Variants in SGCZ observed in about 807,000 individuals in gnomAD.
SGCZ encodes the protein sarcoglycan zeta, also known as zeta-sarcoglycan.
Under a neutral mutation model 41.3 loss-of-function variants are expected in SGCZ, and 40 were observed. That is an observed-to-expected ratio of 0.97 (90% CI 0.75 to 1.26). The LOEUF (loss-of-function observed/expected upper bound fraction) is 1.26, where lower values mean the gene tolerates loss of function less well. SGCZ is among the 50% of genes most tolerant of loss of function. The pLI is 0.00. For synonymous variants in SGCZ, 206 were observed against 137.5 expected (o/e 1.50, Z -3.49); for missense variants, 552 against 369.8 (o/e 1.49, Z -4.04).
At chr8:15,203,359 C>T (rs1331335574) in intron 1 of SGCZ, among the ~76,000 whole-genome samples, 1 of 152,124 alleles carries the variant, frequency 6.6e-6, no homozygotes, top group African/African-American at 2.4e-5. Context: ...TATTTGGCTT[C>T]TCAATTATAC....
At chr8:15,038,827 A>G (rs1585500356) in intron 1 of SGCZ, among the ~76,000 whole-genome samples, 2 of 134,162 alleles carry the variant, frequency 1.5e-5, no homozygotes, top group African/African-American at 6.1e-5. Flanking sequence ...AAAAAAAAAA[A>G]AAAAAAAAAA....
chr8:14,366,314 C>T (rs191253811), intron 2 of SGCZ, among the ~76,000 whole-genome samples: 9 of 152,104 alleles, frequency 5.9e-5, no homozygotes, highest in Non-Finnish European at 5.9e-5. Flanking sequence ...GCCCATCATA[C>T]ATGGTGGCAA....
At chr8:14,718,112 G>A (rs140700177) in intron 1 of SGCZ, among the ~76,000 whole-genome samples, 22 of 151,048 alleles carry the variant, frequency 1.5e-4, no homozygotes, top group African/African-American at 5.1e-4. Context: ...GACTCTCTAA[G>A]CTAAATGTTA....
Position 14,893,150 on chromosome 8 carries a change from G to A in SGCZ, c.40-338224C>T, listed in dbSNP as rs577530165. ...GGCCCCATCCAATCACATGGGTCCT[G>A]AGAAGTGAAGAATCTTTCCAGTTGG... On this transcript the variant is annotated intron_variant, in intron 1 of 7. Transcript: ENST00000382080. 9.2e-5 allele frequency among the ~76,000 whole-genome samples: 14 copies of A among 152,234 alleles called. No individual in the cohort carries two copies. The East Asian group carries it at 2.3e-3, about 25-fold the overall frequency.
chr8:14,581,409 C>A (rs543902427), intron 1 of SGCZ, among the ~76,000 whole-genome samples: 1 of 152,022 alleles, frequency 6.6e-6, no homozygotes, highest in Non-Finnish European at 1.5e-5. Context: ...CCACTGCGCC[C>A]GGCCTTTGCT....
intron 4 of SGCZ, among the ~76,000 whole-genome samples, chr8:14,203,710 T>G (rs1805529557): frequency 6.6e-6 from 1 of 152,282 alleles, no homozygotes; most frequent in Middle Eastern, 3.4e-3. Context: ...GTCAAGGACC[T>G]TATTAACTAA....
chr8:14,233,727 CAT>C (rs1405662093), intron 4 of SGCZ, among the ~76,000 whole-genome samples: 1 of 151,126 alleles, frequency 6.6e-6, no homozygotes, highest in African/African-American at 2.4e-5. Flanking sequence ...ATGTTATCAA[CAT>C]ATATGAATAT....
intron 2 of SGCZ, among the ~76,000 whole-genome samples, chr8:14,362,916 A>C (rs962306292): frequency 1.3e-5 from 2 of 152,248 alleles, no homozygotes; most frequent in African/African-American, 4.8e-5. Flanking sequence ...ATCCAATAAA[A>C]TATTTGGAGA....
intron 1 of SGCZ, among the ~76,000 whole-genome samples, chr8:14,639,062 T>C (rs1563171091): frequency 6.6e-6 from 1 of 151,166 alleles, no homozygotes; most frequent in African/African-American, 2.4e-5. Flanking sequence ...TTTGTCTTTT[T>C]TTGAGAGGGA....
intron 1 of SGCZ, among the ~76,000 whole-genome samples, chr8:14,618,320 T>C (rs2117361210): frequency 6.6e-6 from 1 of 152,242 alleles, no homozygotes; most frequent in African/African-American, 2.4e-5. Flanking sequence ...CCCATTGCAT[T>C]TTAAAACAGT....
chr8:14,838,152 C>A (rs2130619062), intron 1 of SGCZ, among the ~76,000 whole-genome samples: 1 of 152,122 alleles, frequency 6.6e-6, no homozygotes, highest in Admixed American at 6.5e-5. Context: ...TGATGGTTAC[C>A]AGAAGCTAGG....
chr8:14,736,532 T>C (rs2243766), intron 1 of SGCZ, among the ~76,000 whole-genome samples: 59,447 of 151,472 alleles, frequency 0.39, 13,463 homozygotes, highest in Non-Finnish European at 0.52. Flanking sequence ...GTTACATGAG[T>C]AAGTTCTTCA....
chr8:14,372,377 T>G (rs866054883), intron 2 of SGCZ, among the ~76,000 whole-genome samples: 39 of 152,254 alleles, frequency 2.6e-4, no homozygotes, highest in African/African-American at 8.7e-4. Context: ...GTTGAACAAA[T>G]TCTGAGTATT....
chr8:14,785,430 T>A (rs1431619497), intron 1 of SGCZ, among the ~76,000 whole-genome samples: 7 of 152,118 alleles, frequency 4.6e-5, no homozygotes, highest in African/African-American at 1.7e-4. Context: ...TAATTTCACA[T>A]ACATAACGAT....
At position 14,493,359 on chromosome 8, in the gene SGCZ, C is replaced by CTTTTTTTTTTTTTTTTTTTT. The variant is rs57898016; in HGVS notation, c.234+61353_234+61372dup. On this transcript the variant is annotated intron_variant, in intron 2 of 7. Coordinates refer to ENST00000382080, the MANE Select transcript of SGCZ (RefSeq NM_139167.4). ...CATACTTTTCCCACTATCATCCTTT[C>CTTTTTTTTTTTTTTTTTTTT]TTTTTTTTTTTTTTTTTTTTTTTTT... Among the ~76,000 whole-genome samples, 52 of 44,276 alleles carry CTTTTTTTTTTTTTTTTTTTT rather than the reference C, an allele frequency of 1.2e-3. 7 individuals are homozygous for CTTTTTTTTTTTTTTTTTTTT. The highest frequency in any genetic ancestry group is 2.2e-3 in the African/African-American group (29 of 13,254). The allele number at this position is 44,276 out of a possible 152,430, so 29.0% of individuals were successfully genotyped here.
At chr8:15,111,201 G>A (rs183435576) in intron 1 of SGCZ, among the ~76,000 whole-genome samples, 100 of 152,228 alleles carry the variant, frequency 6.6e-4, no homozygotes, top group African/African-American at 2.4e-3. Context: ...TGGTTCTGGT[G>A]GCAGGTAACC....
chr8:14,246,446 TG>T (rs1329761572), intron 3 of SGCZ, among the ~76,000 whole-genome samples: 5 of 143,364 alleles, frequency 3.5e-5, no homozygotes, highest in Non-Finnish European at 6.0e-5. Context: ...GGGACTGTTG[TG>T]GGGTGGGGGG....
intron 1 of SGCZ, among the ~76,000 whole-genome samples, chr8:14,873,734 T>A (rs1804249062): frequency 6.6e-6 from 1 of 152,144 alleles, no homozygotes; most frequent in South Asian, 2.1e-4. Context: ...TCCACTGATT[T>A]TGGTTGACCT....
intron 5 of SGCZ, among the ~76,000 whole-genome samples, chr8:14,147,706 G>A (rs1803570333): frequency 6.6e-6 from 1 of 152,002 alleles, no homozygotes; most frequent in Admixed American, 6.6e-5. Context: ...CAGACCAAAT[G>A]GATATAACAG....
Sources: allele counts gnomAD v4.1 joint callset (sites outside exome capture counted in the v4.1 genomes callset), GRCh38; gene constraint gnomAD v4.1.1; transcripts MANE v1.5; gene names NCBI Gene and HGNC (gene_info 2026-07-23, HGNC 2026-07-21).